CD8B: variants seen among roughly 807,000 people sequenced by gnomAD.
The protein encoded by CD8B is T-cell surface glycoprotein CD8 beta chain.
A neutral mutation model predicts 24.2 loss-of-function variants in CD8B; 6 were observed. The observed-to-expected ratio is 0.25, with a 90% CI of 0.14 to 0.49. CD8B has a LOEUF of 0.49. Among genes scored for constraint, CD8B ranks in the 20% least tolerant of loss-of-function variants. The pLI, the probability that CD8B is intolerant of heterozygous loss-of-function variation, is 0.98. For missense variants in CD8B, 196 were observed against 271.3 expected, an observed-to-expected ratio of 0.72 and a Z score of 1.95; for synonymous variants, 84 against 108.3, an observed-to-expected ratio of 0.78 and a Z score of 1.39.
chr2:86,858,693 C>T (rs954253872), intron 1 of CD8B, among the ~76,000 whole-genome samples: 52 of 144,654 alleles, frequency 3.6e-4, no homozygotes, highest in Non-Finnish European at 6.8e-4. Flanking sequence ...TACTTATATG[C>T]CTGGCCCTTG....
chr2:86,817,515 A>G (rs1674300151), intron 5 of CD8B, among the ~76,000 whole-genome samples: 1 of 152,240 alleles, frequency 6.6e-6, no homozygotes, highest in African/African-American at 2.4e-5. Flanking sequence ...GAAATAAGCA[A>G]ATTTTAAAAG....
At chr2:86,855,625 G>A (rs554820438) in intron 2 of CD8B, among the ~76,000 whole-genome samples, 6 of 152,348 alleles carry the variant, frequency 3.9e-5, no homozygotes, top group African/African-American at 1.2e-4. Flanking sequence ...TCATAGTGCT[G>A]AGGGCAACTA....
rs562062619 is a variant in CD8B, at chr2:86,859,490, G to T, written c.44-1074C>A. ...GGCTGTTGTCCTGCCTGCCTCTGAGGGTTGGAAATAAATGAAATGCTGTCC... is the reference window on the plus strand; with the variant it reads ...GGCTGTTGTCCTGCCTGCCTCTGAGTGTTGGAAATAAATGAAATGCTGTCC... On this transcript the variant is annotated intron_variant, in intron 1 of 5. Coordinates refer to ENST00000390655, the MANE Select transcript of CD8B (RefSeq NM_004931.5). 2.4e-3 allele frequency among the ~76,000 whole-genome samples: 360 copies of T among 152,236 alleles called. 1 individual carries two copies. In the Middle Eastern group the frequency reaches 0.031, roughly 13 times the overall value.
chr2:86,850,450 G>A (rs1049725166), intron 3 of CD8B, among the ~76,000 whole-genome samples: 13 of 152,246 alleles, frequency 8.5e-5, no homozygotes, highest in Admixed American at 6.5e-4. Flanking sequence ...CTGTGTGGAC[G>A]CCCCACAAGC....
At chr2:86,847,068 C>A (rs941703321) in intron 3 of CD8B, among the ~76,000 whole-genome samples, 3 of 151,106 alleles carry the variant, frequency 2.0e-5, no homozygotes, top group Non-Finnish European at 4.4e-5. Context: ...TCCCGAGTAG[C>A]TGGGACTACA....
intron 5 of CD8B, among the ~76,000 whole-genome samples, chr2:86,831,094 G>A (rs959088019): frequency 6.6e-6 from 1 of 152,086 alleles, no homozygotes; most frequent in Non-Finnish European, 1.5e-5. Context: ...TTTTGAGACG[G>A]AGTCTTGCTG....
chr2:86,849,823 C>T (rs765853334), intron 3 of CD8B, among the ~76,000 whole-genome samples: 1 of 151,550 alleles, frequency 6.6e-6, no homozygotes, highest in Non-Finnish European at 1.5e-5. Context: ...CCTTCCTCAG[C>T]CTCCTAAGTC....
chr2:86,846,925 G>GTCTTTTTTTTTTTTTTT lies in CD8B; in HGVS notation c.494-153_494-152insAAAAAAAAAAAAAAAGA, dbSNP rs1285464744. 2.3e-5 allele frequency: 4 copies of GTCTTTTTTTTTTTTTTT among 176,724 alleles called. 2 individuals are homozygous for GTCTTTTTTTTTTTTTTT. The allele number at this position is 176,724 out of a possible 1,614,324, so 10.9% of individuals were successfully genotyped here. On this transcript the variant is annotated intron_variant, in intron 3 of 5. Coordinates refer to ENST00000390655, the MANE Select transcript of CD8B (RefSeq NM_004931.5). ...TTCGATGTAATGTATTTTTCCTCAA[G>GTCTTTTTTTTTTTTTTT]TATTTTTTTTTTTTTTTTTTTTTTT...
chr2:86,835,337 C>A (rs1675134455), downstream of CD8B, among the ~76,000 whole-genome samples: 1 of 152,222 alleles, frequency 6.6e-6, no homozygotes, highest in African/African-American at 2.4e-5. Context: ...GTTTCCAAAC[C>A]AGAAGCATCA....
chr2:86,826,849 TCTCA>T (rs1573492412), intron 5 of CD8B, among the ~76,000 whole-genome samples: 1 of 142,582 alleles, frequency 7.0e-6, no homozygotes, highest in Non-Finnish European at 1.5e-5. Context: ...TGAGACGGGG[TCTCA>T]CTCTGTCACC....
intron 3 of CD8B, among the ~76,000 whole-genome samples, chr2:86,847,497 T>G (rs1675743583): frequency 6.6e-6 from 1 of 152,206 alleles, no homozygotes; most frequent in Non-Finnish European, 1.5e-5. Flanking sequence ...TTTAGTAACT[T>G]TCTCTTTCCA....
chr2:86,858,045 C>G lies in CD8B; in HGVS notation c.403+12G>C, dbSNP rs759684199. The G allele has an allele frequency of 3.1e-6, 5 of 1,612,754 alleles. No individual in the cohort carries two copies. The South Asian group carries it at 4.4e-5, about 14-fold the overall frequency. ...ATCGGTGCTCACTGATAGCATTGAG[C>G]CTGCTTCTTACCCACACTCAGCTGA... On this transcript the variant is annotated intron_variant, in intron 2 of 5. Coordinates refer to ENST00000390655, the MANE Select transcript of CD8B (RefSeq NM_004931.5).
chr2:86,848,079 ACT>A (rs111812556), intron 3 of CD8B, among the ~76,000 whole-genome samples: 25,831 of 151,774 alleles, frequency 0.17, 2,347 homozygotes, highest in Admixed American at 0.22. Context: ...TTTACAAATA[ACT>A]CTGCAGAAAA....
chr2:86,817,382 T>C (rs1674294146), intron 5 of CD8B, among the ~76,000 whole-genome samples: 1 of 152,112 alleles, frequency 6.6e-6, no homozygotes, highest in African/African-American at 2.4e-5. Flanking sequence ...ATTGTAATAA[T>C]AATTATAAAC....
intron 5 of CD8B, among the ~76,000 whole-genome samples, chr2:86,816,714 T>C (rs1270092944): frequency 6.6e-6 from 1 of 152,212 alleles, no homozygotes; most frequent in East Asian, 1.9e-4. Flanking sequence ...TTCACAAATG[T>C]ATACTCCAGA....
Position 86,858,376 on chromosome 2 carries a change from G to A in CD8B, c.84C>T (p.Tyr28=), listed in dbSNP as rs1434579280. The A allele has an allele frequency of 1.9e-6, 3 of 1,608,352 alleles. No individual in the cohort carries two copies. Among genetic ancestry groups the A allele is most frequent in the African/African-American group, 1.3e-5 (1 of 74,704 alleles). The change falls in exon 2 of 6, where the codon TAC becomes TAT. Residue 28 remains tyrosine (Y), a synonymous_variant. Coordinates refer to ENST00000390655, the MANE Select transcript of CD8B (RefSeq NM_004931.5). ...CCATCTTGTTGGTTTGCACCTTTATGTATGCAGGGGTCTGCTGGAGGACTG... is the reference window on the plus strand; with the variant it reads ...CCATCTTGTTGGTTTGCACCTTTATATATGCAGGGGTCTGCTGGAGGACTG... ...GNSVLQQTPA[Y]IKVQTNKMVM...
At chr2:86,825,123 G>C (rs1207683200) in intron 5 of CD8B, among the ~76,000 whole-genome samples, 1 of 152,204 alleles carries the variant, frequency 6.6e-6, no homozygotes, top group Non-Finnish European at 1.5e-5. Context: ...GAAAAGAGCA[G>C]GGGTGATGGG....
At chr2:86,833,340 C>T (rs1166653492), downstream of CD8B, among the ~76,000 whole-genome samples, 3 of 151,506 alleles carry the variant, frequency 2.0e-5, no homozygotes, top group South Asian at 2.1e-4. Context: ...ATTACATGCC[C>T]GGCTAATTTT....
intron 2 of CD8B, among the ~76,000 whole-genome samples, chr2:86,853,818 G>C (rs1163565968): frequency 6.6e-6 from 1 of 152,148 alleles, no homozygotes; most frequent in Admixed American, 6.6e-5. Flanking sequence ...CAATTATCCT[G>C]CCTCAGCCTC....
Sources: allele counts gnomAD v4.1 joint callset (sites outside exome capture counted in the v4.1 genomes callset), GRCh38; gene constraint gnomAD v4.1.1; transcripts MANE v1.5; gene names NCBI Gene and HGNC (gene_info 2026-07-23, HGNC 2026-07-21).